Variants in SLIT2 observed in about 807,000 individuals in gnomAD.
The protein encoded by SLIT2 is slit guidance ligand 2.
SLIT2 carries 41 observed loss-of-function variants against 185.7 expected under a neutral mutation model. That is an observed-to-expected ratio of 0.22 (90% confidence interval 0.17 to 0.29). The LOEUF (loss-of-function observed/expected upper bound fraction) is 0.29. Among genes scored for constraint, SLIT2 ranks in the 10% least tolerant of loss-of-function variants. The pLI, the probability that SLIT2 is intolerant of heterozygous loss-of-function variation, is 1.00. For missense variants in SLIT2, 1,571 were observed against 1,909.0 expected, an observed-to-expected ratio of 0.82 and a Z score of 3.30; for synonymous variants, 693 against 680.2, an observed-to-expected ratio of 1.02 and a Z score of -0.29.
intron 4 of SLIT2, among the ~76,000 whole-genome samples, chr4:20,460,129 C>G (rs563298721): frequency 2.0e-4 from 30 of 152,144 alleles, no homozygotes; most frequent in African/African-American, 7.0e-4. Flanking sequence ...CTCCCAAAGG[C>G]TGAGATTACA....
intron 4 of SLIT2, among the ~76,000 whole-genome samples, chr4:20,290,825 T>G (rs1252773096): frequency 6.6e-6 from 1 of 151,964 alleles, no homozygotes; most frequent in African/African-American, 2.4e-5. Flanking sequence ...AATATCTTAT[T>G]TTTTTCTGTA....
intron 8 of SLIT2, among the ~76,000 whole-genome samples, chr4:20,489,247 T>C (rs1052013142): frequency 6.6e-5 from 10 of 152,188 alleles, no homozygotes; most frequent in Non-Finnish European, 1.0e-4. Flanking sequence ...AATCGCTAAA[T>C]GATGATTCTA....
intron 5 of SLIT2, among the ~76,000 whole-genome samples, chr4:20,480,342 C>T (rs1349985924): frequency 6.6e-5 from 10 of 152,112 alleles, no homozygotes; most frequent in Admixed American, 6.6e-4. Flanking sequence ...TGAGGGGGTG[C>T]ATGTGACATT....
intron 4 of SLIT2, among the ~76,000 whole-genome samples, chr4:20,437,030 C>A (rs1213190637): frequency 6.6e-6 from 1 of 152,148 alleles, no homozygotes; most frequent in South Asian, 2.1e-4. Context: ...GCTTGGAATG[C>A]AGTAAGCACT....
chr4:20,444,762 G>T (rs1406320722), intron 4 of SLIT2, among the ~76,000 whole-genome samples: 1 of 151,978 alleles, frequency 6.6e-6, no homozygotes, highest in Non-Finnish European at 1.5e-5. Flanking sequence ...TTCTTGGCCT[G>T]CCAGTTTCAC....
chr4:20,270,705 TTA>T (rs1349484427), intron 4 of SLIT2, among the ~76,000 whole-genome samples: 2 of 151,940 alleles, frequency 1.3e-5, no homozygotes, highest in Non-Finnish European at 2.9e-5. Flanking sequence ...GTGAATATTT[TTA>T]TGTTTCAGGA....
intron 4 of SLIT2, among the ~76,000 whole-genome samples, chr4:20,272,838 C>T (rs1441086469): frequency 6.6e-6 from 1 of 152,106 alleles, no homozygotes; most frequent in African/African-American, 2.4e-5. Context: ...AAACTTTTTA[C>T]TTCTGGTTCT....
intron 4 of SLIT2, among the ~76,000 whole-genome samples, chr4:20,305,604 G>C (rs1196818645): frequency 6.6e-6 from 1 of 152,046 alleles, no homozygotes; most frequent in African/African-American, 2.4e-5. Flanking sequence ...CGGGCATGGT[G>C]GCTCATGCCT....
intron 4 of SLIT2, among the ~76,000 whole-genome samples, chr4:20,395,195 T>G (rs1432578947): frequency 6.6e-6 from 1 of 152,038 alleles, no homozygotes; most frequent in Non-Finnish European, 1.5e-5. Flanking sequence ...GTGGGTGTTT[T>G]GCTATATGAC....
intron 4 of SLIT2, among the ~76,000 whole-genome samples, chr4:20,375,438 A>G (rs1211883970): frequency 6.6e-6 from 1 of 152,116 alleles, no homozygotes; most frequent in Admixed American, 6.6e-5. Context: ...TAGAGGCCTG[A>G]AAATAGTTTA....
intron 34 of SLIT2, among the ~76,000 whole-genome samples, chr4:20,613,557 T>C (rs1729409490): frequency 6.6e-6 from 1 of 152,032 alleles, no homozygotes; most frequent in Non-Finnish European, 1.5e-5. Context: ...CTAATGGACA[T>C]TAAGCTTAAT....
intron 4 of SLIT2, among the ~76,000 whole-genome samples, chr4:20,354,525 A>G (rs1191878676): frequency 1.3e-5 from 2 of 152,214 alleles, no homozygotes; most frequent in Non-Finnish European, 2.9e-5. Flanking sequence ...AGGGCACTAA[A>G]AATGTTCCAA....
chr4:20,403,964 C>T (rs368839948), intron 4 of SLIT2, among the ~76,000 whole-genome samples: 57 of 151,312 alleles, frequency 3.8e-4, no homozygotes, highest in African/African-American at 1.2e-3. Flanking sequence ...TTCATTGGGC[C>T]GCATACAAAC....
intron 4 of SLIT2, among the ~76,000 whole-genome samples, chr4:20,318,452 T>C (rs1053104205): frequency 2.0e-5 from 3 of 152,174 alleles, no homozygotes; most frequent in Non-Finnish European, 4.4e-5. Flanking sequence ...GTGCAAGCAT[T>C]CAAACACAAA....
chr4:20,480,796 T>C lies in SLIT2; in HGVS notation c.539+9T>C, dbSNP rs760157058. On this transcript the variant is annotated intron_variant, in intron 6 of 36. Coordinates refer to ENST00000504154, the MANE Select transcript of SLIT2 (RefSeq NM_004787.4). Reference sequence around the variant, plus strand: ...CGGGACCTGGAAGTGCTGTAAGTACTGCTATTTCTCTTGCTCTTTTAACGG... The same window carrying C: ...CGGGACCTGGAAGTGCTGTAAGTACCGCTATTTCTCTTGCTCTTTTAACGG... 2 of 1,600,608 alleles carry C rather than the reference T, an allele frequency of 1.2e-6. No individual in the cohort carries two copies. The highest frequency in any genetic ancestry group is 2.2e-5 in the South Asian group (2 of 90,800).
chr4:20,266,715 A>T (rs1713067985), intron 3 of SLIT2, among the ~76,000 whole-genome samples: 1 of 152,000 alleles, frequency 6.6e-6, no homozygotes, highest in African/African-American at 2.4e-5. Flanking sequence ...ATGCTTGAAG[A>T]GCTCACAGTC....
chr4:20,419,035 A>C (rs1577619957), intron 4 of SLIT2, among the ~76,000 whole-genome samples: 2 of 152,180 alleles, frequency 1.3e-5, no homozygotes, highest in Non-Finnish European at 2.9e-5. Context: ...TTCATAGTTT[A>C]CCAGTTTCCC....
rs1727927446 is a variant in SLIT2, at chr4:20,595,758, G to A, written c.3244G>A (p.Asp1082Asn). ...HCDIDFDDCQ[D>N]NKCKNGAHCT... ...CGACATCGATTTTGACGACTGCCAA[G>A]ACAACAAGTGTAAAAACGGAGCCCA... The change falls in exon 31 of 37, where the codon GAC becomes AAC. Residue 1082 changes from aspartate (D) to asparagine (N), a missense_variant. Coordinates refer to ENST00000504154, the MANE Select transcript of SLIT2 (RefSeq NM_004787.4). The A allele has an allele frequency of 6.2e-7, 1 of 1,614,106 alleles. No individual in the cohort carries two copies. The highest frequency in any genetic ancestry group is 8.5e-7 in the Non-Finnish European group (1 of 1,179,996).
intron 25 of SLIT2, 21 bp downstream of exon 25, chr4:20,550,919 T>G: frequency 2.7e-6 from 4 of 1,456,562 alleles, no homozygotes; most frequent in Non-Finnish European, 3.8e-6. Flanking sequence ...AGTTTATGAA[T>G]ATAGGTTTAG....
Sources: gnomAD v4.1 joint callset for allele counts (sites outside exome capture counted in the v4.1 genomes callset) on GRCh38, gnomAD v4.1.1 for gene constraint, MANE v1.5 for transcripts, NCBI Gene and HGNC (gene_info 2026-07-23, HGNC 2026-07-21) for gene names.